Variants in PCDHGB7 observed in about 807,000 individuals in gnomAD.
PCDHGB7 encodes the protein protocadherin gamma subfamily B, 7.
PCDHGB7 carries 37 observed loss-of-function variants against 61.4 expected under a neutral mutation model. The ratio of observed to expected loss-of-function variants is 0.60; its 90% CI spans 0.46 to 0.79. PCDHGB7 has a LOEUF of 0.79. PCDHGB7 is among the 30% of genes least tolerant of loss of function. PCDHGB7 has a pLI of 0.00. For missense variants in PCDHGB7, 1,166 were observed against 1,202.5 expected (o/e 0.97, Z 0.45); for synonymous variants, 464 against 503.5 (o/e 0.92, Z 1.05).
At position 141,426,001 on chromosome 5, in the gene PCDHGB7, T is replaced by C. The variant is rs553657872; in HGVS notation, c.2415+5727T>C. Among the ~76,000 whole-genome samples, 3 of 152,318 alleles carry C rather than the reference T, an allele frequency of 2.0e-5. No individual in the cohort carries two copies. In the South Asian group the frequency reaches 6.2e-4, roughly 32 times the overall value. The stretch of plus-strand genomic sequence containing the variant: ...TGAATCCCATTGAATTAGCAAAGGC[T>C]TCCGGCTGCAGTTTTCTAAATAGAC... On this transcript the variant is annotated intron_variant, in intron 1 of 3. Transcript: ENST00000398594.
chr5:141,448,545 A>T lies in PCDHGB7; in HGVS notation c.2415+28271A>T, dbSNP rs537259621. On this transcript the variant is annotated intron_variant, in intron 1 of 3. Coordinates refer to ENST00000398594, the MANE Select transcript of PCDHGB7 (RefSeq NM_018927.4). ...AGCATCCTGTCAGCATTTCTTATGC[A>T]AATATGTACATATATTTTTATTTCC... 1.5e-4 allele frequency among the ~76,000 whole-genome samples: 23 copies of T among 152,334 alleles called. 1 individual carries two copies. The South Asian group carries it at 2.7e-3, about 18-fold the overall frequency.
In PCDHGB7 at chr5:141,489,184, G is replaced by T; in HGVS notation, c.2416-5623G>T. ...TCAGCTGCTGCATTCCAAGCCCTGG[G>T]TCTACCTTGGAGACAGGACAGCACA... On this transcript the variant is annotated intron_variant, in intron 1 of 3. Transcript: ENST00000398594. This position sits in a 1 kb window ranked among gnomAD's most constrained non-coding sequence, Gnocchi z 4.5. 7.8e-7 allele frequency: 1 copy of T among 1,287,330 alleles called. No homozygotes were observed. Among genetic ancestry groups the T allele is most frequent in the Non-Finnish European group, 1.1e-6 (1 of 928,816 alleles). 79.7% of individuals were successfully genotyped at this position (1,287,330 alleles called of 1,614,324 possible).
intron 1 of PCDHGB7, chr5:141,427,254 G>A (rs1013561568): frequency 1.8e-5 from 8 of 456,644 alleles, no homozygotes; most frequent in Non-Finnish European, 2.6e-5. Flanking sequence ...GGATGGTGGA[G>A]GCATGACCAG....
chr5:141,478,135 C>T (rs1307702473), intron 1 of PCDHGB7: 7 of 1,613,970 alleles, frequency 4.3e-6, no homozygotes, highest in African/African-American at 1.3e-5. Flanking sequence ...CTCCTGAAGC[C>T]CGAGCCGAGT....
chr5:141,417,993 C>T lies in PCDHGB7; in HGVS notation c.134C>T (p.Ser45Leu), dbSNP rs753867006. 11 of 1,613,830 alleles carry T rather than the reference C, an allele frequency of 6.8e-6. No individual in the cohort carries two copies. The highest frequency in any genetic ancestry group is 7.6e-6 in the Non-Finnish European group (9 of 1,179,748). Reference protein sequence around the residue: ...YSIPEELAKGSVVGNLAKDLG... With the variant: ...YSIPEELAKGLVVGNLAKDLG... Reference sequence around the variant, plus strand: ...ATTCCGGAGGAGCTGGCCAAGGGCTCGGTGGTGGGGAACCTCGCTAAGGAT... The same window carrying T: ...ATTCCGGAGGAGCTGGCCAAGGGCTTGGTGGTGGGGAACCTCGCTAAGGAT... The change falls in exon 1 of 4, where the codon TCG becomes TTG. Residue 45 changes from serine (S) to leucine (L), a missense_variant. Physicochemically the swap from Ser to Leu is moderately radical, Grantham distance 145. Transcript: ENST00000398594.
chr5:141,466,819 C>A (rs2099130454), intron 1 of PCDHGB7, among the ~76,000 whole-genome samples: 1 of 152,068 alleles, frequency 6.6e-6, no homozygotes, highest in Non-Finnish European at 1.5e-5. Context: ...CATGGTATAA[C>A]AAGTTAGTAT....
Position 141,487,266 on chromosome 5 carries a change from T to A in PCDHGB7, c.2416-7541T>A. The stretch of plus-strand genomic sequence containing the variant: ...ACCCTCTACTTGGCTGTGTCCCTAG[T>A]GGCAATTTGCTTTGTCTCCTTTGGC... On this transcript the variant is annotated intron_variant, in intron 1 of 3. Transcript: ENST00000398594. This position sits in a 1 kb window ranked among gnomAD's most constrained non-coding sequence, Gnocchi z 5.0. The A allele has an allele frequency of 1.2e-6, 2 of 1,614,172 alleles. No homozygotes were observed. Among genetic ancestry groups the A allele is most frequent in the Non-Finnish European group, 8.5e-7 (1 of 1,180,036 alleles).
chr5:141,436,501 G>A (rs1382579407), intron 1 of PCDHGB7, among the ~76,000 whole-genome samples: 1 of 152,118 alleles, frequency 6.6e-6, no homozygotes, highest in Admixed American at 6.5e-5. Context: ...TTGCAATTAG[G>A]TAAATTGTTA....
intron 1 of PCDHGB7, chr5:141,421,393 G>A: frequency 6.2e-7 from 1 of 1,614,038 alleles, no homozygotes; most frequent in Non-Finnish European, 8.5e-7. Flanking sequence ...CCTGGGGCTG[G>A]AGCCCCGGGA....
chr5:141,505,371 C>T (rs2099845827), intron 2 of PCDHGB7, 22 bp from the exon 3 acceptor site: 4 of 1,613,980 alleles, frequency 2.5e-6, no homozygotes, highest in Non-Finnish European at 3.4e-6. Context: ...AGTCTGTGCT[C>T]ACCATCCTAC....
At chr5:141,499,127 A>G (rs1198571084) in intron 2 of PCDHGB7, among the ~76,000 whole-genome samples, 1 of 152,134 alleles carries the variant, frequency 6.6e-6, no homozygotes, top group Non-Finnish European at 1.5e-5. Flanking sequence ...TTCTCAGGTC[A>G]TCCTTTGGGT....
rs771744120 is a variant in PCDHGB7 at position 141,485,876 on chromosome 5, G to A, written c.2416-8931G>A. ...AGAGCTCCGGGTATCCGTGCTGGAC[G>A]TAAACGACAACGCCCCAGCCTTCCA... On this transcript the variant is annotated intron_variant, in intron 1 of 3. Transcript: ENST00000398594. This position sits in a 1 kb window ranked among gnomAD's most constrained non-coding sequence, Gnocchi z 5.7. 1 of 1,614,174 alleles carries A rather than the reference G, an allele frequency of 6.2e-7. No homozygotes were observed. Among genetic ancestry groups the A allele is most frequent in the Non-Finnish European group, 8.5e-7 (1 of 1,180,030 alleles).
chr5:141,469,283 T>C (rs576231993), intron 1 of PCDHGB7, among the ~76,000 whole-genome samples: 1 of 149,898 alleles, frequency 6.7e-6, no homozygotes, highest in African/African-American at 2.5e-5. Flanking sequence ...TCTCAAAAAA[T>C]AAAACAAAAT....
chr5:141,424,497 A>G (rs2096824503), intron 1 of PCDHGB7: 2 of 152,174 alleles, frequency 1.3e-5, no homozygotes, highest in African/African-American at 2.4e-5. Flanking sequence ...GTTTGTATGT[A>G]TGGAAGGTTT....
intron 3 of PCDHGB7, among the ~76,000 whole-genome samples, chr5:141,508,984 C>G (rs1039260828): frequency 4.7e-4 from 72 of 152,154 alleles, no homozygotes; most frequent in African/African-American, 1.7e-3. Context: ...GGGTGGGGGC[C>G]AGCTGGGGTA....
At position 141,485,272 on chromosome 5, in the gene PCDHGB7, C is replaced by T. The variant is rs764196730; in HGVS notation, c.2416-9535C>T. The T allele has an allele frequency of 1.9e-6, 3 of 1,613,948 alleles. No homozygotes were observed. The highest frequency in any genetic ancestry group is 2.7e-5 in the African/African-American group (2 of 74,932). On this transcript the variant is annotated intron_variant, in intron 1 of 3. Transcript: ENST00000398594. The surrounding 1 kb of genome is among the most constrained non-coding windows in gnomAD (Gnocchi z 5.7). ...GTTACGTTTGTGGGCAGATCCGCTACCCGGTCCCAGAGGAGTCACAGGAAG... is the reference window on the plus strand; with the variant it reads ...GTTACGTTTGTGGGCAGATCCGCTATCCGGTCCCAGAGGAGTCACAGGAAG...
chr5:141,478,213 C>A (rs2099439229), intron 1 of PCDHGB7: 1 of 1,614,000 alleles, frequency 6.2e-7, no homozygotes, highest in Non-Finnish European at 8.5e-7. Context: ...TTTCTCTAAT[C>A]CTGGTTTCTG....
chr5:141,505,616 C>A, intron 3 of PCDHGB7, 135 bp downstream of exon 3: 1 of 1,503,160 alleles, frequency 6.7e-7, no homozygotes. Flanking sequence ...CTGAAAGGAC[C>A]CACAATTCCA....
At chr5:141,426,919 C>A (rs1220443930) in intron 1 of PCDHGB7, 3 of 456,620 alleles carry the variant, frequency 6.6e-6, no homozygotes, top group African/African-American at 6.0e-5. Context: ...GTCCTGGAAG[C>A]AATGGACATG....
Sources: gnomAD v4.1 joint callset for allele counts (sites outside exome capture counted in the v4.1 genomes callset) on GRCh38, gnomAD v4.1.1 for gene constraint, Gnocchi (gnomAD v3.1) non-coding constraint, MANE v1.5 for transcripts, NCBI Gene and HGNC (gene_info 2026-07-23, HGNC 2026-07-21) for gene names.